Variants in CNTNAP2 observed in about 807,000 individuals in gnomAD.
CNTNAP2 encodes contactin associated protein 2, also known as contactin-associated protein-like 2.
CNTNAP2 carries 98 observed loss-of-function variants against 155.2 expected under a neutral mutation model. The ratio of observed to expected loss-of-function variants is 0.63; its 90% CI spans 0.54 to 0.75. The LOEUF (loss-of-function observed/expected upper bound fraction) is 0.75. CNTNAP2 is among the 30% of genes least tolerant of loss of function. The pLI is 0.00. For synonymous variants in CNTNAP2, 651 were observed against 631.2 expected, an observed-to-expected ratio of 1.03 and a Z score of -0.47; for missense variants, 1,727 against 1,688.1, an observed-to-expected ratio of 1.02 and a Z score of -0.40.
intron 1 of CNTNAP2, among the ~76,000 whole-genome samples, chr7:146,488,708 A>T (rs1797095290): frequency 6.6e-6 from 1 of 152,044 alleles, no homozygotes; most frequent in Non-Finnish European, 1.5e-5. Flanking sequence ...GCTCACTTGC[A>T]GCTTCGACCT....
chr7:146,162,381 A>G (rs531007197), intron 1 of CNTNAP2, among the ~76,000 whole-genome samples: 16 of 152,364 alleles, frequency 1.1e-4, no homozygotes, highest in Admixed American at 5.9e-4. Flanking sequence ...GAAGACGTTT[A>G]TGCAGCCAAC....
At chr7:147,470,824 A>G (rs1393448391) in intron 10 of CNTNAP2, among the ~76,000 whole-genome samples, 1 of 152,086 alleles carries the variant, frequency 6.6e-6, no homozygotes, top group Non-Finnish European at 1.5e-5. Flanking sequence ...AGAGGTTAAT[A>G]TAATCTGATG....
chr7:148,181,628 T>G (rs1795038705), intron 18 of CNTNAP2, among the ~76,000 whole-genome samples: 1 of 151,800 alleles, frequency 6.6e-6, no homozygotes, highest in South Asian at 2.1e-4. Flanking sequence ...GATTTAAAAA[T>G]TCAGTGCAGA....
At chr7:146,890,771 C>T (rs1460525148) in intron 3 of CNTNAP2, among the ~76,000 whole-genome samples, 2 of 152,182 alleles carry the variant, frequency 1.3e-5, no homozygotes, top group Non-Finnish European at 2.9e-5. Flanking sequence ...TTGTTTCCAA[C>T]ATGAGTGAAC....
intron 1 of CNTNAP2, among the ~76,000 whole-genome samples, chr7:146,433,693 T>TC (rs1796203475): frequency 6.6e-6 from 1 of 152,098 alleles, no homozygotes; most frequent in African/African-American, 2.4e-5. Flanking sequence ...ATACAGATGG[T>TC]CCCTCATCAC....
At chr7:146,657,803 G>T (rs1249827011) in intron 1 of CNTNAP2, among the ~76,000 whole-genome samples, 1 of 151,866 alleles carries the variant, frequency 6.6e-6, no homozygotes, top group Non-Finnish European at 1.5e-5. Flanking sequence ...GCAAAGATTT[G>T]TCAAAGAAAC....
intron 21 of CNTNAP2, among the ~76,000 whole-genome samples, chr7:148,277,810 G>A (rs1796901353): frequency 7.3e-6 from 1 of 137,696 alleles, no homozygotes; most frequent in Admixed American, 7.8e-5. Context: ...AAGAAAAAAA[G>A]CTTTGCTTTT....
intron 1 of CNTNAP2, among the ~76,000 whole-genome samples, chr7:146,484,879 T>C (rs1313882989): frequency 1.3e-5 from 2 of 152,184 alleles, no homozygotes; most frequent in Non-Finnish European, 2.9e-5. Context: ...GGTATAGTTT[T>C]TAAAATATAG....
chr7:147,065,135 T>C (rs891377459), intron 4 of CNTNAP2, among the ~76,000 whole-genome samples: 8 of 152,190 alleles, frequency 5.3e-5, no homozygotes, highest in Non-Finnish European at 1.2e-4. Context: ...GCTCTTCCCT[T>C]ATTAGCTATG....
intron 11 of CNTNAP2, among the ~76,000 whole-genome samples, chr7:147,510,240 A>G (rs193146868): frequency 6.6e-6 from 1 of 151,984 alleles, no homozygotes; most frequent in African/African-American, 2.4e-5. Flanking sequence ...AGTTCCCCAG[A>G]CTCTGAGGGC....
rs10215240 is a variant in CNTNAP2, at chr7:146,871,418, G to A, written c.402+31514G>A. 2.0e-5 allele frequency among the ~76,000 whole-genome samples: 3 copies of A among 151,776 alleles called. No homozygotes were observed. In the East Asian group the frequency reaches 5.8e-4, roughly 29 times the overall value. On this transcript the variant is annotated intron_variant, in intron 3 of 23. Coordinates refer to ENST00000361727, the MANE Select transcript of CNTNAP2 (RefSeq NM_014141.6). ...AATGGCAGGTGCCTGTAATCCCAGCGACTCAGGAGGCTGAGATAGGAGAAT... is the reference window on the plus strand; with the variant it reads ...AATGGCAGGTGCCTGTAATCCCAGCAACTCAGGAGGCTGAGATAGGAGAAT...
intron 10 of CNTNAP2, among the ~76,000 whole-genome samples, chr7:147,411,059 C>T (rs925017719): frequency 6.6e-6 from 1 of 152,166 alleles, no homozygotes; most frequent in Admixed American, 6.5e-5. Context: ...TGCAGATCCC[C>T]AGAATGTCTG....
intron 1 of CNTNAP2, among the ~76,000 whole-genome samples, chr7:146,552,744 C>G (rs192876918): frequency 1.1e-4 from 16 of 152,126 alleles, no homozygotes; most frequent in Admixed American, 9.8e-4. Flanking sequence ...TTGACTCTTC[C>G]CCTCTGCTCT....
intron 1 of CNTNAP2, among the ~76,000 whole-genome samples, chr7:146,121,996 A>G (rs1036629298): frequency 2.6e-5 from 4 of 152,210 alleles, no homozygotes; most frequent in Non-Finnish European, 5.9e-5. Context: ...TTCTGAGCAG[A>G]TAAGGATGTT....
At chr7:147,147,169 G>C (rs1270275146) in intron 8 of CNTNAP2, among the ~76,000 whole-genome samples, 2 of 152,060 alleles carry the variant, frequency 1.3e-5, no homozygotes, top group East Asian at 3.9e-4. Flanking sequence ...AGTAGCGAAG[G>C]GGAAAGACCC....
chr7:146,213,936 T>C (rs747835730), intron 1 of CNTNAP2, among the ~76,000 whole-genome samples: 12 of 152,190 alleles, frequency 7.9e-5, no homozygotes, highest in Admixed American at 2.0e-4. Context: ...TTCATATAGA[T>C]TAAATTTCCT....
intron 13 of CNTNAP2, among the ~76,000 whole-genome samples, chr7:147,708,250 G>T (rs1013217109): frequency 1.1e-4 from 17 of 152,186 alleles, no homozygotes; most frequent in African/African-American, 3.6e-4. Flanking sequence ...GCAGCTGTGG[G>T]CAGGAGAGTT....
At chr7:146,499,023 C>G (rs955075251) in intron 1 of CNTNAP2, among the ~76,000 whole-genome samples, 18 of 152,144 alleles carry the variant, frequency 1.2e-4, no homozygotes, top group Non-Finnish European at 1.2e-4. Context: ...ATTCAGCCTT[C>G]CATATAATTT....
chr7:147,506,502 G>A (rs1177055581), intron 11 of CNTNAP2, among the ~76,000 whole-genome samples: 1 of 152,136 alleles, frequency 6.6e-6, no homozygotes, highest in Non-Finnish European at 1.5e-5. Context: ...CAATCCACCT[G>A]CCTCGGCCTC....
Sources: allele counts gnomAD v4.1 joint callset (sites outside exome capture counted in the v4.1 genomes callset), GRCh38; gene constraint gnomAD v4.1.1; transcripts MANE v1.5; gene names NCBI Gene and HGNC (gene_info 2026-07-23, HGNC 2026-07-21).